Variants in RIPOR3 observed in about 807,000 individuals in gnomAD.
The protein encoded by RIPOR3 is RIPOR family member 3, also known as family with sequence similarity 65 member C.
RIPOR3 carries 95 observed loss-of-function variants against 114.3 expected under a neutral mutation model. The observed-to-expected ratio is 0.83, with a 90% CI of 0.70 to 0.99. The LOEUF (loss-of-function observed/expected upper bound fraction) is 0.99, where lower values mean the gene tolerates loss of function less well. Ranked by LOEUF, RIPOR3 falls within the 50% of genes least tolerant of loss-of-function variation. The probability of loss-of-function intolerance (pLI) is 0.00; values close to 1 mark genes in which losing one functional copy is unlikely to be tolerated. For synonymous variants in RIPOR3, 575 were observed against 543.8 expected (o/e 1.06, Z -0.80); for missense variants, 1,252 against 1,266.9 (o/e 0.99, Z 0.18).
chr20:50,592,601 C>A, intron 18 of RIPOR3, 55 bp from the exon 19 acceptor site: 1 of 1,386,470 alleles, frequency 7.2e-7, no homozygotes, highest in Non-Finnish European at 9.4e-7. Context: ...TTTGGCAGGA[C>A]AGCTGCAAGT....
intron 20 of RIPOR3, among the ~76,000 whole-genome samples, chr20:50,588,751 A>G (rs1285112854): frequency 3.9e-5 from 5 of 126,586 alleles, no homozygotes; most frequent in African/African-American, 1.4e-4. Context: ...TCTCAAGTGA[A>G]AAAAAAAAAA....
At chr20:50,592,672 C>CA (rs2083152156) in intron 18 of RIPOR3, 126 bp from the exon 19 acceptor site, 1 of 874,494 alleles carries the variant, frequency 1.1e-6, no homozygotes, top group Non-Finnish European at 1.6e-6. Context: ...GGATGATCAC[C>CA]AAGGCCCAGC....
At chr20:50,660,680 C>T (rs1331872190) in intron 1 of RIPOR3, among the ~76,000 whole-genome samples, 1 of 151,922 alleles carries the variant, frequency 6.6e-6, no homozygotes, top group Non-Finnish European at 1.5e-5. Context: ...GCACTACCCC[C>T]GAACTTTCCA....
intron 1 of RIPOR3, among the ~76,000 whole-genome samples, chr20:50,654,383 T>C (rs1339337156): frequency 6.7e-6 from 1 of 149,028 alleles, no homozygotes; most frequent in African/African-American, 2.5e-5. Flanking sequence ...GCCAGGCTGG[T>C]CTCGAACTCC....
At position 50,686,049 on chromosome 20, in the gene RIPOR3, G is replaced by A. The variant is rs556800147; in HGVS notation, c.3+5077C>T. On this transcript the variant is annotated intron_variant, in intron 1 of 21. Transcript: ENST00000327979. ...GAATGAATGGCCTGAAAGCATAGAC[G>A]CCTGGCTCTTTCTTTGTTTTTTTTA... Among the ~76,000 whole-genome samples the A allele has an allele frequency of 2.6e-5, 4 of 152,014 alleles. No individual in the cohort carries two copies. In the South Asian group the frequency reaches 8.3e-4, roughly 32 times the overall value.
intron 1 of RIPOR3, 147 bp downstream of exon 1, chr20:50,690,979 C>A: frequency 1.9e-6 from 2 of 1,029,188 alleles, no homozygotes; most frequent in South Asian, 1.4e-5. Context: ...CCCATCTCAG[C>A]CTCAACCCAG....
At chr20:50,640,280 A>G (rs1258212878) in intron 1 of RIPOR3, among the ~76,000 whole-genome samples, 5 of 151,866 alleles carry the variant, frequency 3.3e-5, no homozygotes, top group African/African-American at 9.7e-5. Flanking sequence ...TCTGAGACCA[A>G]GGACATGAGC....
At chr20:50,597,993 G>A (rs139402866) in intron 13 of RIPOR3, among the ~76,000 whole-genome samples, 2 of 152,354 alleles carry the variant, frequency 1.3e-5, no homozygotes, top group African/African-American at 2.4e-5. Context: ...ACGGGGACAA[G>A]GCCAATGGCA....
At chr20:50,650,692 A>C (rs2085570541) in intron 1 of RIPOR3, among the ~76,000 whole-genome samples, 1 of 152,210 alleles carries the variant, frequency 6.6e-6, no homozygotes. Flanking sequence ...TGTAATCCAC[A>C]AAGTTCTAAG....
At chr20:50,619,305 A>C (rs139763195) in intron 3 of RIPOR3, among the ~76,000 whole-genome samples, 1 of 151,650 alleles carries the variant, frequency 6.6e-6, no homozygotes, top group East Asian at 1.9e-4. Flanking sequence ...GCCAGGTGTG[A>C]TGGTGCGTAC....
Position 50,602,207 on chromosome 20 carries a change from G to C in RIPOR3, c.1524C>G (p.Asp508Glu), listed in dbSNP as rs778177803. 2 of 1,613,644 alleles carry C rather than the reference G, an allele frequency of 1.2e-6. No homozygotes were observed. The highest frequency in any genetic ancestry group is 3.3e-5 in the Admixed American group (2 of 60,002). Residue 508 changes from aspartate (D) to glutamate (E), a missense_variant, in exon 13 of 22, where the codon GAC (aspartate) becomes GAG (glutamate). Coordinates refer to ENST00000327979, the MANE Select transcript of RIPOR3 (RefSeq NM_001290268.2). This position sits in a 1 kb window ranked among gnomAD's most constrained non-coding sequence, Gnocchi z 4.3. Reference sequence around the variant, plus strand: ...GGGCCACGCCAGGCCCGTCCTCTCTGTCCCCGGTTGCCCCTTCCTCGTGGC... The same window carrying C: ...GGGCCACGCCAGGCCCGTCCTCTCTCTCCCCGGTTGCCCCTTCCTCGTGGC... Reference protein sequence around the residue: ...QNGHEEGATGDREDGPGVALE... With the variant: ...QNGHEEGATGEREDGPGVALE...
intron 2 of RIPOR3, among the ~76,000 whole-genome samples, chr20:50,624,430 C>T (rs940944910): frequency 2.6e-5 from 4 of 152,216 alleles, no homozygotes; most frequent in African/African-American, 9.7e-5. Flanking sequence ...AGCCCCGCTT[C>T]CATCCACCTG....
chr20:50,664,884 C>T (rs2086128803), intron 1 of RIPOR3, among the ~76,000 whole-genome samples: 1 of 151,700 alleles, frequency 6.6e-6, no homozygotes. Context: ...GGAGGATCAC[C>T]TGAGGTTAGG....
intron 19 of RIPOR3, among the ~76,000 whole-genome samples, chr20:50,590,579 A>C (rs1278164435): frequency 6.6e-6 from 1 of 152,172 alleles, no homozygotes; most frequent in Non-Finnish European, 1.5e-5. Context: ...GGGAAGACAG[A>C]CTGGGAGTAG....
At chr20:50,667,286 C>CTT (rs139859156) in intron 1 of RIPOR3, among the ~76,000 whole-genome samples, 311 of 67,548 alleles carry the variant, frequency 4.6e-3, no homozygotes, top group African/African-American at 8.8e-3. Context: ...CTTTAAACTA[C>CTT]TTTTTTTTTT....
At chr20:50,679,255 G>A (rs1450190337) in intron 1 of RIPOR3, among the ~76,000 whole-genome samples, 2 of 145,814 alleles carry the variant, frequency 1.4e-5, no homozygotes, top group East Asian at 2.0e-4. Flanking sequence ...AAATGAGGGT[G>A]CCACTTGGTT....
At chr20:50,595,210 C>G (rs73121717) in intron 16 of RIPOR3, 159 bp downstream of exon 16, 62,850 of 928,536 alleles carry the variant, frequency 0.068, 2,577 homozygotes, top group Non-Finnish European at 0.084. Context: ...CTTACCTCCC[C>G]ACAAAGAGTG....
intron 11 of RIPOR3, among the ~76,000 whole-genome samples, chr20:50,605,744 C>G (rs2083685411): frequency 6.6e-6 from 1 of 151,350 alleles, no homozygotes; most frequent in Non-Finnish European, 1.5e-5. Flanking sequence ...TGCCACTGCT[C>G]TCCAGTCTGG....
intron 3 of RIPOR3, among the ~76,000 whole-genome samples, 199 bp downstream of exon 3, chr20:50,619,787 A>T (rs553199481): frequency 9.8e-5 from 15 of 152,324 alleles, no homozygotes; most frequent in African/African-American, 3.4e-4. Context: ...TGCCTTAGTC[A>T]CTGCCAGGTT....
Sources: allele counts gnomAD v4.1 joint callset (sites outside exome capture counted in the v4.1 genomes callset), GRCh38; gene constraint gnomAD v4.1.1; non-coding constraint Gnocchi (gnomAD v3.1); transcripts MANE v1.5; gene names NCBI Gene and HGNC (gene_info 2026-07-23, HGNC 2026-07-21).